POR: variants seen among roughly 807,000 people sequenced by gnomAD.
The protein encoded by POR is cytochrome p450 oxidoreductase, also known as NADPH--cytochrome P450 reductase.
In POR, 56 loss-of-function variants were observed where a neutral mutation model predicts 84.0. The ratio of observed to expected loss-of-function variants is 0.67; its 90% CI spans 0.54 to 0.83. The LOEUF is 0.83. POR is among the 40% of genes least tolerant of loss of function. The pLI is 0.00. For missense variants in POR, 938 were observed against 944.3 expected (o/e 0.99, Z 0.09); for synonymous variants, 414 against 400.5 (o/e 1.03, Z -0.40).
intron 2 of POR, among the ~76,000 whole-genome samples, chr7:75,967,540 C>T (rs1788238983): frequency 6.6e-6 from 1 of 152,080 alleles, no homozygotes; most frequent in Admixed American, 6.6e-5. Context: ...GGCGCCCTGG[C>T]AGTGGGATCA....
chr7:75,953,597 G>A (rs1787548841), intron 1 of POR, among the ~76,000 whole-genome samples: 2 of 152,134 alleles, frequency 1.3e-5, no homozygotes, highest in Admixed American at 6.5e-5. Flanking sequence ...GGTTTGCTGC[G>A]AAATGGTCCA....
intron 2 of POR, among the ~76,000 whole-genome samples, chr7:75,964,439 C>T (rs1230167608): frequency 6.6e-6 from 1 of 152,112 alleles, no homozygotes; most frequent in Non-Finnish European, 1.5e-5. Context: ...TCCCGAGTAG[C>T]TGGGATTACA....
Position 75,916,869 on chromosome 7 carries a change from A to G in POR, c.-5+1690A>G, listed in dbSNP as rs75418674. On this transcript the variant is annotated intron_variant, in intron 1 of 15. Transcript: ENST00000461988. ...CCACAGAGGATGTTTGCTGCCAGAC[A>G]TACCTGAATTTTAGGACCTGCTGTT... 1.6e-3 allele frequency among the ~76,000 whole-genome samples: 244 copies of G among 152,232 alleles called. 6 individuals are homozygous for G. The East Asian group carries it at 0.043, about 27-fold the overall frequency.
chr7:75,951,451 G>A (rs1416667748), intron 1 of POR, among the ~76,000 whole-genome samples: 2 of 152,160 alleles, frequency 1.3e-5, no homozygotes, highest in Non-Finnish European at 2.9e-5. Context: ...TCAAGCCATT[G>A]GAAAAGCAGC....
intron 2 of POR, among the ~76,000 whole-genome samples, chr7:75,968,788 T>C (rs914168842): frequency 3.9e-5 from 6 of 152,188 alleles, no homozygotes; most frequent in Non-Finnish European, 5.9e-5. Context: ...CCTTGTCCAC[T>C]CTGACGTTCC....
At chr7:75,929,611 G>A (rs1451374037) in intron 1 of POR, among the ~76,000 whole-genome samples, 5 of 152,160 alleles carry the variant, frequency 3.3e-5, no homozygotes, top group East Asian at 1.9e-4. Flanking sequence ...AAGGTGAAAC[G>A]CAAGCAACGC....
At position 75,973,224 on chromosome 7, in the gene POR, C is replaced by T. The variant is rs560145848; in HGVS notation, c.237+763C>T. ...GCTCCCCTCTGCCACCCACTCATCC[C>T]CACTGTTCTTATTATTTATGGATCC... On this transcript the variant is annotated intron_variant, in intron 3 of 15. Coordinates refer to ENST00000461988, the MANE Select transcript of POR (RefSeq NM_000941.3). Among the ~76,000 whole-genome samples, 3 of 152,266 alleles carry T rather than the reference C, an allele frequency of 2.0e-5. No individual in the cohort carries two copies. In the East Asian group the frequency reaches 5.8e-4, roughly 29 times the overall value.
Position 75,986,468 on chromosome 7 carries a change from A to G in POR, c.2030A>G (p.Asp677Gly), listed in dbSNP as rs1554559521. 6.2e-7 allele frequency: 1 copy of G among 1,610,464 alleles called. No homozygotes were observed. Among genetic ancestry groups the G allele is most frequent in the Non-Finnish European group, 8.5e-7 (1 of 1,179,698 alleles). ...ATGACCAAGGGCCGCTACTCCCTGG[A>G]CGTGTGGAGCTAGGGGCCTGCCTGC... The change falls in exon 16 of 16, where the codon GAC (aspartate) becomes GGC (glycine). Residue 677 changes from aspartate to glycine, a missense_variant. Asp to Gly is a moderately conservative substitution (Grantham distance 94, BLOSUM62 -1). Transcript: ENST00000461988.
At chr7:75,970,262 C>G (rs1475390089) in intron 2 of POR, among the ~76,000 whole-genome samples, 2 of 152,002 alleles carry the variant, frequency 1.3e-5, no homozygotes, top group African/African-American at 4.8e-5. Flanking sequence ...ATCAGTCGGG[C>G]CCCACATGTA....
At chr7:75,953,187 C>G (rs970701482) in intron 1 of POR, among the ~76,000 whole-genome samples, 1 of 151,940 alleles carries the variant, frequency 6.6e-6, no homozygotes, top group Non-Finnish European at 1.5e-5. Flanking sequence ...GGCGTGGCGG[C>G]GCGCGCCTGC....
chr7:75,976,329 G>C (rs1233512617), intron 3 of POR, among the ~76,000 whole-genome samples: 2 of 152,028 alleles, frequency 1.3e-5, no homozygotes, highest in South Asian at 2.1e-4. Context: ...TGTAGTCCCA[G>C]GTACTCGGGA....
intron 1 of POR, among the ~76,000 whole-genome samples, chr7:75,934,184 C>T (rs1391711114): frequency 1.4e-5 from 2 of 147,876 alleles, no homozygotes; most frequent in African/African-American, 5.0e-5. Context: ...TTAGATCACT[C>T]AGTCTTTGTT....
At chr7:75,967,578 CT>C (rs1403679973) in intron 2 of POR, among the ~76,000 whole-genome samples, 6 of 151,916 alleles carry the variant, frequency 3.9e-5, no homozygotes, top group African/African-American at 1.5e-4. Flanking sequence ...GAGTGCAGCC[CT>C]GCCATAGCAA....
Position 75,985,639 on chromosome 7 carries a change from C to A in POR, c.1459C>A (p.Arg487Ser). The change falls in exon 13 of 16, where the codon CGC (arginine) becomes AGC (serine). Residue 487 changes from arginine to serine, a missense_variant. Transcript: ENST00000461988. ...TGTGGAGTACGAGACCAAGGCTGGCCGCATCAACAAGGGCGTGGCCACCAA... is the reference window on the plus strand; with the variant it reads ...TGTGGAGTACGAGACCAAGGCTGGCAGCATCAACAAGGGCGTGGCCACCAA... 6.3e-7 allele frequency: 1 copy of A among 1,593,022 alleles called. No homozygotes were observed. The highest frequency in any genetic ancestry group is 8.5e-7 in the Non-Finnish European group (1 of 1,170,154).
intron 12 of POR, 96 bp downstream of exon 12, chr7:75,985,303 A>C (rs1215145170): frequency 7.1e-7 from 1 of 1,404,366 alleles, no homozygotes; most frequent in Non-Finnish European, 9.4e-7. Flanking sequence ...CCGAGATCTG[A>C]GCCCTGAGCT....
At position 75,967,055 on chromosome 7, in the gene POR, C is replaced by T. The variant is rs374304265; in HGVS notation, c.189-5358C>T. On this transcript the variant is annotated intron_variant, in intron 2 of 15. Coordinates refer to ENST00000461988, the MANE Select transcript of POR (RefSeq NM_000941.3). The stretch of plus-strand genomic sequence containing the variant: ...CACAATCTTGGCTCACTGCAACCTT[C>T]ACCTCAGCCTTCAGGCTCAAGTGAT... 2.6e-5 allele frequency among the ~76,000 whole-genome samples: 4 copies of T among 152,176 alleles called. No individual in the cohort carries two copies. The South Asian group carries it at 8.3e-4, about 32-fold the overall frequency.
intron 1 of POR, among the ~76,000 whole-genome samples, chr7:75,928,716 CTTTT>C (rs56944338): frequency 0.21 from 31,824 of 152,114 alleles, 5,306 homozygotes; most frequent in African/African-American, 0.45. Flanking sequence ...CCCAGGAGGA[CTTTT>C]TTCTAGTGCT....
intron 1 of POR, among the ~76,000 whole-genome samples, chr7:75,947,442 G>A (rs1330680580): frequency 2.6e-5 from 4 of 151,934 alleles, no homozygotes; most frequent in African/African-American, 9.7e-5. Context: ...TGACCTGCTC[G>A]CAGCACCACG....
At chr7:75,934,096 G>GT (rs1409336126) in intron 1 of POR, among the ~76,000 whole-genome samples, 13 of 136,900 alleles carry the variant, frequency 9.5e-5, no homozygotes, top group South Asian at 7.2e-4. Flanking sequence ...GAAAAAATAT[G>GT]TTTTTTTCCT....
Sources: gnomAD v4.1 joint callset for allele counts (sites outside exome capture counted in the v4.1 genomes callset) on GRCh38, gnomAD v4.1.1 for gene constraint, MANE v1.5 for transcripts, NCBI Gene and HGNC (gene_info 2026-07-23, HGNC 2026-07-21) for gene names.